Variants in DNAJC16 observed in about 807,000 individuals in gnomAD.
DNAJC16 encodes DnaJ heat shock protein family (Hsp40) member C16.
A neutral mutation model predicts 92.7 loss-of-function variants in DNAJC16; 76 were observed. The ratio of observed to expected loss-of-function variants is 0.82; its 90% confidence interval spans 0.68 to 0.99. The LOEUF is 0.99. Ranked by LOEUF, DNAJC16 falls within the 50% of genes least tolerant of loss-of-function variation. The pLI is 0.00. For missense variants in DNAJC16, 869 were observed against 942.4 expected (o/e 0.92, Z 1.02); for synonymous variants, 328 against 358.7 (o/e 0.91, Z 0.97).
intron 1 of DNAJC16, among the ~76,000 whole-genome samples, 157 bp downstream of exon 1, chr1:15,527,115 G>T (rs921143971): frequency 6.6e-6 from 1 of 152,192 alleles, no homozygotes; most frequent in African/African-American, 2.4e-5. Flanking sequence ...GGAGGGCGGC[G>T]GGGGAGGGGG....
chr1:15,568,032 T>G lies in DNAJC16; in HGVS notation c.2204T>G (p.Leu735Arg), dbSNP rs775760141. 1.9e-6 allele frequency: 3 copies of G among 1,614,192 alleles called. No homozygotes were observed. The highest frequency in any genetic ancestry group is 1.7e-5 in the Admixed American group (1 of 60,028). ...AGTGATGTTGACTCTTCCCTCTACC[T>G]GGGTGAATCTCGAGGGAAACCTTCC... ...SCSDVDSSLYLGESRGKPSCG... is the reference protein window; with the variant it reads ...SCSDVDSSLYRGESRGKPSCG... Residue 735 changes from leucine to arginine, a missense_variant, in exon 15 of 15, where the codon CTG becomes CGG. Physicochemically the swap from Leu to Arg is moderately radical, Grantham distance 102. Coordinates refer to ENST00000375847, the MANE Select transcript of DNAJC16 (RefSeq NM_015291.4).
rs147329664 is a variant in DNAJC16 at position 15,529,144 on chromosome 1, G to A, written c.39G>A (p.Leu13=). ...VRKLSISWQF[L]IVLVLILQIL... is the part of the protein sequence containing the mutation. ...AGTTGAGCATTTCCTGGCAGTTCTT[G>A]ATAGTTCTGGTTCTGATCCTGCAAA... The change falls in exon 2 of 15, where the codon TTG becomes TTA. Residue 13 remains leucine, a synonymous_variant. Coordinates refer to ENST00000375847, the MANE Select transcript of DNAJC16 (RefSeq NM_015291.4). 236 of 1,614,024 alleles carry A rather than the reference G, an allele frequency of 1.5e-4. No homozygotes were observed. The highest frequency in any genetic ancestry group is 1.0e-3 in the Middle Eastern group (6 of 6,028).
In DNAJC16 at chr1:15,564,076, G is replaced by A. The variant is rs751599531; in HGVS notation, c.1486G>A (p.Ala496Thr). The A allele has an allele frequency of 3.1e-6, 5 of 1,614,102 alleles. No individual in the cohort carries two copies. The highest frequency in any genetic ancestry group is 2.2e-5 in the East Asian group (1 of 44,898). Residue 496 changes from alanine (A) to threonine (T), a missense_variant, in exon 10 of 15, where the codon GCA (alanine) becomes ACA (threonine). Transcript: ENST00000375847. Reference sequence around the variant, plus strand: ...AGATCCAGCTCTTCTGTCCTCTGAAGCAGTGCTTCCTGACCTGACCGATGA... The same window carrying A: ...AGATCCAGCTCTTCTGTCCTCTGAAACAGTGCTTCCTGACCTGACCGATGA... The part of the protein sequence containing the change: ...RKDPALLSSE[A>T]VLPDLTDELA...
At chr1:15,538,506 T>C (rs190685999) in intron 4 of DNAJC16, among the ~76,000 whole-genome samples, 1 of 152,120 alleles carries the variant, frequency 6.6e-6, no homozygotes, top group Non-Finnish European at 1.5e-5. Context: ...TCACCTGAGG[T>C]CAGTAGTTCG....
chr1:15,543,287 T>C (rs1008585181), intron 4 of DNAJC16, among the ~76,000 whole-genome samples: 2 of 152,174 alleles, frequency 1.3e-5, no homozygotes, highest in African/African-American at 4.8e-5. Context: ...TTAAATATGG[T>C]GCCAAGGTAG....
intron 3 of DNAJC16, 150 bp downstream of exon 3, chr1:15,534,453 G>A: frequency 2.5e-6 from 2 of 786,758 alleles, no homozygotes; most frequent in South Asian, 2.1e-5. Flanking sequence ...GCTGGATGCG[G>A]TGGCTCATGC....
intron 2 of DNAJC16, among the ~76,000 whole-genome samples, chr1:15,531,638 A>C (rs935698126): frequency 6.6e-6 from 1 of 152,248 alleles, no homozygotes; most frequent in African/African-American, 2.4e-5. Context: ...CAGAGCTGAA[A>C]AGGGTGTTAT....
chr1:15,539,996 C>T lies in DNAJC16; in HGVS notation c.574+3182C>T, dbSNP rs113507932. ...GAGCCAAGATCGAGTCACCGCACTCCAGCCTGGGCAACAGAGCAAAACTCT... is the reference window on the plus strand; with the variant it reads ...GAGCCAAGATCGAGTCACCGCACTCTAGCCTGGGCAACAGAGCAAAACTCT... On this transcript the variant is annotated intron_variant, in intron 4 of 14. Transcript: ENST00000375847. Among the ~76,000 whole-genome samples, 1,442 of 151,992 alleles carry T rather than the reference C, an allele frequency of 9.5e-3. 20 individuals are homozygous for T. Among genetic ancestry groups the T allele is most frequent in the African/African-American group, 0.032 (1,322 of 41,430 alleles).
At chr1:15,558,457 G>C (rs1254722710) in intron 7 of DNAJC16, among the ~76,000 whole-genome samples, 1 of 152,056 alleles carries the variant, frequency 6.6e-6, no homozygotes, top group Non-Finnish European at 1.5e-5. Flanking sequence ...AAAGTTCGGG[G>C]ATTATAGGAG....
rs1215134774 is a variant in DNAJC16, at chr1:15,570,320, A to G, written c.*2143A>G. ...GTAGGTTTTTATTTTTAATTTCTGT[A>G]CTAATGAAATTCCTGACTTTAATTT... On this transcript the variant is annotated 3_prime_UTR_variant, in exon 15 of 15. Coordinates refer to ENST00000375847, the MANE Select transcript of DNAJC16 (RefSeq NM_015291.4). The G allele has an allele frequency of 6.6e-6, 1 of 152,056 alleles. No individual in the cohort carries two copies. The highest frequency in any genetic ancestry group is 1.5e-5 in the Non-Finnish European group (1 of 68,002). 9.4% of individuals were successfully genotyped at this position (152,056 alleles called of 1,614,324 possible).
chr1:15,544,199 C>G (rs1046550885), intron 4 of DNAJC16, among the ~76,000 whole-genome samples, 200 bp from the exon 5 acceptor site: 1 of 149,792 alleles, frequency 6.7e-6, no homozygotes, highest in Non-Finnish European at 1.5e-5. Context: ...TGTAACTCTT[C>G]TTACATATTG....
intron 1 of DNAJC16, 84 bp from the exon 2 acceptor site, chr1:15,529,004 T>C (rs914597382): frequency 1.7e-6 from 2 of 1,191,064 alleles, no homozygotes; most frequent in Non-Finnish European, 2.3e-6. Context: ...TTGTTTTTCA[T>C]CTATATATCT....
chr1:15,565,731 T>A, intron 11 of DNAJC16, 188 bp from the exon 12 acceptor site: 2 of 626,590 alleles, frequency 3.2e-6, no homozygotes, highest in South Asian at 3.9e-5. Flanking sequence ...TGTCTGTGAA[T>A]TAGAACACTG....
At chr1:15,535,636 G>A (rs1710761472) in intron 3 of DNAJC16, among the ~76,000 whole-genome samples, 2 of 152,160 alleles carry the variant, frequency 1.3e-5, no homozygotes, top group South Asian at 2.1e-4. Context: ...TCAGGAGGCT[G>A]AGATGGAAGG....
chr1:15,562,463 T>A (rs2103425931), intron 9 of DNAJC16, 138 bp downstream of exon 9: 3 of 983,816 alleles, frequency 3.0e-6, no homozygotes, highest in Non-Finnish European at 4.2e-6. Context: ...AAGTCTACTC[T>A]TTTGTTTTTC....
At chr1:15,549,842 G>A (rs1196418704) in intron 7 of DNAJC16, among the ~76,000 whole-genome samples, 1 of 147,148 alleles carries the variant, frequency 6.8e-6, no homozygotes, top group Non-Finnish European at 1.5e-5. Context: ...AAAAAAAGAT[G>A]TTTTGAGCGA....
chr1:15,546,900 T>TTTTTC lies in DNAJC16; in HGVS notation c.864+44_864+48dup, dbSNP rs777405249. ...CTTTCTATGCTAGGATAATGGTTTC[T>TTTTTC]TTTTCTTTTCTTTTCTTTTTTTTTT... On this transcript the variant is annotated intron_variant, in intron 6 of 14. Transcript: ENST00000375847. The TTTTTC allele has an allele frequency of 7.0e-6, 10 of 1,436,680 alleles. No homozygotes were observed. In the African/African-American group the frequency reaches 9.1e-5, roughly 13 times the overall value. 89.0% of individuals were successfully genotyped at this position (1,436,680 alleles called of 1,614,324 possible). A position where few individuals can be genotyped will look rare whatever the true frequency, so the allele number is the denominator to read the frequency against.
At chr1:15,543,901 C>G (rs1222195121) in intron 4 of DNAJC16, among the ~76,000 whole-genome samples, 1 of 152,090 alleles carries the variant, frequency 6.6e-6, no homozygotes, top group Non-Finnish European at 1.5e-5. Flanking sequence ...ACTGAAATGG[C>G]AAAGACGTGG....
chr1:15,537,312 C>T (rs2103406650), intron 4 of DNAJC16, among the ~76,000 whole-genome samples: 1 of 152,292 alleles, frequency 6.6e-6, no homozygotes, highest in Middle Eastern at 3.4e-3. Context: ...AAGGAATCTT[C>T]AGTCACACAC....
Sources: allele counts gnomAD v4.1 joint callset (sites outside exome capture counted in the v4.1 genomes callset), GRCh38; gene constraint gnomAD v4.1.1; transcripts MANE v1.5; gene names NCBI Gene and HGNC (gene_info 2026-07-23, HGNC 2026-07-21).